HPCAL1: variants seen among roughly 807,000 people sequenced by gnomAD.
The protein encoded by HPCAL1 is hippocalcin-like protein 1.
In HPCAL1, 8 loss-of-function variants were observed where a neutral mutation model predicts 17.1. The ratio of observed to expected loss-of-function variants is 0.47; its 90% CI spans 0.27 to 0.84. HPCAL1 has a LOEUF of 0.84. HPCAL1 is among the 40% of genes least tolerant of loss of function. The probability of loss-of-function intolerance (pLI) is 0.13; values close to 1 mark genes in which losing one functional copy is unlikely to be tolerated. For synonymous variants in HPCAL1, 112 were observed against 111.4 expected (o/e 1.01, Z -0.03); for missense variants, 165 against 271.1 (o/e 0.61, Z 2.75).
intron 1 of HPCAL1, among the ~76,000 whole-genome samples, chr2:10,378,869 A>T (rs1173795419): frequency 6.6e-6 from 1 of 152,160 alleles, no homozygotes; most frequent in African/African-American, 2.4e-5. Context: ...TAATCCTACA[A>T]TTCAGAGATC....
chr2:10,371,011 G>A (rs73914058), intron 1 of HPCAL1, among the ~76,000 whole-genome samples: 1,532 of 152,272 alleles, frequency 0.01, 37 homozygotes, highest in African/African-American at 0.035. Context: ...ACCCGGCATG[G>A]AGCCAGCAAA....
rs181942563 is a variant in HPCAL1 at position 10,310,750 on chromosome 2, C to T, written c.-111+7573C>T. ...TCTGGGAGTGTTCGTGCTGGCAGGC[C>T]GGAGGAGGACTGCTGGGCACACTTG... On this transcript the variant is annotated intron_variant, in intron 1 of 4. Coordinates refer to ENST00000307845, the MANE Select transcript of HPCAL1 (RefSeq NM_002149.4). The surrounding 1 kb of genome is among the most constrained non-coding windows in gnomAD (Gnocchi z 4.5). Among the ~76,000 whole-genome samples, 65 of 152,176 alleles carry T rather than the reference C, an allele frequency of 4.3e-4. No individual in the cohort carries two copies. Among genetic ancestry groups the T allele is most frequent in the African/African-American group, 1.4e-3 (60 of 41,512 alleles).
chr2:10,379,326 G>A (rs867509984), intron 1 of HPCAL1, among the ~76,000 whole-genome samples: 9 of 151,794 alleles, frequency 5.9e-5, no homozygotes, highest in Middle Eastern at 3.4e-3. Context: ...TGAGCGAGGT[G>A]TTGCTTGTGG....
intron 1 of HPCAL1, among the ~76,000 whole-genome samples, chr2:10,369,659 G>C (rs1180533586): frequency 6.6e-6 from 1 of 152,240 alleles, no homozygotes; most frequent in Admixed American, 6.5e-5. Context: ...AAATGTAGCA[G>C]AGAACTGAGA....
At chr2:10,303,344 G>A (rs1662387235) in intron 1 of HPCAL1, among the ~76,000 whole-genome samples, 167 bp downstream of exon 1, 1 of 152,218 alleles carries the variant, frequency 6.6e-6, no homozygotes, top group Non-Finnish European at 1.5e-5. Context: ...GGAGTTGTGG[G>A]TGACTGCGGA....
In HPCAL1 at chr2:10,330,807, C is replaced by A. The variant is rs780522506; in HGVS notation, c.-111+27630C>A. Among the ~76,000 whole-genome samples, 1 of 152,214 alleles carries A rather than the reference C, an allele frequency of 6.6e-6. No individual in the cohort carries two copies. Among genetic ancestry groups the A allele is most frequent in the African/African-American group, 2.4e-5 (1 of 41,464 alleles). On this transcript the variant is annotated intron_variant, in intron 1 of 4. Transcript: ENST00000307845. This position sits in a 1 kb window ranked among gnomAD's most constrained non-coding sequence, Gnocchi z 4.2. ...TCCACGTTAACTCACTTCCTGCCCACGGCAGGGGCTCTCTGTCAGTGTGTC... is the reference window on the plus strand; with the variant it reads ...TCCACGTTAACTCACTTCCTGCCCAAGGCAGGGGCTCTCTGTCAGTGTGTC...
intron 2 of HPCAL1, among the ~76,000 whole-genome samples, chr2:10,399,280 T>C (rs867884472): frequency 0.23 from 1,589 of 6,920 alleles, no homozygotes; most frequent in South Asian, 0.27. Context: ...ACCACCACCA[T>C]CACCACCACC....
intron 1 of HPCAL1, among the ~76,000 whole-genome samples, chr2:10,336,042 C>T (rs1664697788): frequency 6.6e-6 from 1 of 151,576 alleles, no homozygotes; most frequent in Non-Finnish European, 1.5e-5. Context: ...TTCATATCCT[C>T]TGCTGTAAAT....
At chr2:10,319,026 T>C (rs957315034) in intron 1 of HPCAL1, among the ~76,000 whole-genome samples, 10 of 152,356 alleles carry the variant, frequency 6.6e-5, no homozygotes, top group African/African-American at 2.4e-4. Context: ...CTTGTAATAG[T>C]TGCCATTAAA....
chr2:10,420,333 T>C (rs898650883), intron 3 of HPCAL1, among the ~76,000 whole-genome samples, 198 bp downstream of exon 3: 1 of 151,252 alleles, frequency 6.6e-6, no homozygotes, highest in African/African-American at 2.4e-5. Flanking sequence ...CTTCAGCCTC[T>C]TGAGCACCTC....
intron 2 of HPCAL1, among the ~76,000 whole-genome samples, chr2:10,406,106 G>A (rs1669954480): frequency 6.6e-6 from 1 of 152,184 alleles, no homozygotes; most frequent in South Asian, 2.1e-4. Flanking sequence ...CTACAGTCAT[G>A]CTCCGCGCTA....
At chr2:10,409,775 G>GT (rs1558527057) in intron 2 of HPCAL1, among the ~76,000 whole-genome samples, 1 of 98,490 alleles carries the variant, frequency 1.0e-5, no homozygotes, top group Non-Finnish European at 2.0e-5. Flanking sequence ...CTGAGCCTCA[G>GT]TCTTTTTTTT....
chr2:10,378,757 G>A (rs1016673356), intron 1 of HPCAL1, among the ~76,000 whole-genome samples: 4 of 152,200 alleles, frequency 2.6e-5, no homozygotes, highest in South Asian at 2.1e-4. Flanking sequence ...GTTCCAGGGA[G>A]GAACTGGAGA....
rs542599992 is a variant in HPCAL1 at position 10,323,926 on chromosome 2, C to G, written c.-111+20749C>G. Reference sequence around the variant, plus strand: ...AGTCTTCCCATTACTAAATGTGGCACAAGAACGTAGTCTAAAGGATGTACT... The same window carrying G: ...AGTCTTCCCATTACTAAATGTGGCAGAAGAACGTAGTCTAAAGGATGTACT... On this transcript the variant is annotated intron_variant, in intron 1 of 4. Coordinates refer to ENST00000307845, the MANE Select transcript of HPCAL1 (RefSeq NM_002149.4). This position sits in a 1 kb window ranked among gnomAD's most constrained non-coding sequence, Gnocchi z 4.6. Among the ~76,000 whole-genome samples, 2 of 152,348 alleles carry G rather than the reference C, an allele frequency of 1.3e-5. No individual in the cohort carries two copies. The highest frequency in any genetic ancestry group is 4.8e-5 in the African/African-American group (2 of 41,578).
intron 2 of HPCAL1, among the ~76,000 whole-genome samples, chr2:10,400,083 G>A (rs1279500201): frequency 6.6e-6 from 1 of 152,210 alleles, no homozygotes; most frequent in East Asian, 1.9e-4. Flanking sequence ...GCCTTCCTGA[G>A]ATGAGACCTG....
At chr2:10,341,046 T>G (rs535946204) in intron 1 of HPCAL1, among the ~76,000 whole-genome samples, 17 of 152,312 alleles carry the variant, frequency 1.1e-4, no homozygotes, top group African/African-American at 3.8e-4. Flanking sequence ...TGAACTAACC[T>G]CCCTTCATGT....
chr2:10,321,760 T>C (rs1040255685), intron 1 of HPCAL1, among the ~76,000 whole-genome samples: 3 of 152,220 alleles, frequency 2.0e-5, no homozygotes, highest in African/African-American at 7.2e-5. Context: ...CCAAGCACAG[T>C]GTTTTCATGC....
At chr2:10,357,237 C>T (rs1666214195) in intron 1 of HPCAL1, among the ~76,000 whole-genome samples, 3 of 152,218 alleles carry the variant, frequency 2.0e-5, no homozygotes, top group Non-Finnish European at 4.4e-5. Flanking sequence ...TGAGGTGGGA[C>T]ATGAGAGGCT....
chr2:10,347,058 G>A (rs904933309), intron 1 of HPCAL1, among the ~76,000 whole-genome samples: 1 of 147,306 alleles, frequency 6.8e-6, no homozygotes, highest in Non-Finnish European at 1.5e-5. Context: ...AGATGAGTTT[G>A]ACATTACTGG....
Sources: allele counts gnomAD v4.1 joint callset (sites outside exome capture counted in the v4.1 genomes callset), GRCh38; gene constraint gnomAD v4.1.1; non-coding constraint Gnocchi (gnomAD v3.1); transcripts MANE v1.5; gene names NCBI Gene and HGNC (gene_info 2026-07-23, HGNC 2026-07-21).